Variants in SPECC1L observed in about 807,000 individuals in gnomAD.
SPECC1L encodes the protein sperm antigen with calponin homology and coiled-coil domains 1 like.
SPECC1L carries 40 observed loss-of-function variants against 116.8 expected under a neutral mutation model. The observed-to-expected ratio is 0.34, with a 90% confidence interval of 0.27 to 0.45. SPECC1L has a LOEUF of 0.45. Among genes scored for constraint, SPECC1L ranks in the 20% least tolerant of loss-of-function variants. The pLI is 1.00. For synonymous variants in SPECC1L, 504 were observed against 500.6 expected (o/e 1.01, Z -0.09); for missense variants, 1,110 against 1,373.6 (o/e 0.81, Z 3.03).
At chr22:24,382,066 G>GT (rs2042072645) in intron 14 of SPECC1L, among the ~76,000 whole-genome samples, 2 of 152,218 alleles carry the variant, frequency 1.3e-5, no homozygotes, top group South Asian at 4.1e-4. Context: ...TTTGTTTATG[G>GT]TTATAAAAGA....
Position 24,414,767 on chromosome 22 carries a change from C to A in SPECC1L, c.*144C>A. The A allele has an allele frequency of 1.4e-6, 1 of 711,484 alleles. No homozygotes were observed. The highest frequency in any genetic ancestry group is 1.6e-5 in the South Asian group (1 of 63,614). The allele number at this position is 711,484 out of a possible 1,614,324, so 44.1% of individuals were successfully genotyped here. ...CGTGTGAGCCTCCAGCTCGGGGCTT[C>A]CGTATTGGAAGAACTCAGCCGTGTG... On this transcript the variant is annotated 3_prime_UTR_variant, in exon 17 of 17. Coordinates refer to ENST00000314328, the MANE Select transcript of SPECC1L (RefSeq NM_015330.6).
intron 3 of SPECC1L, among the ~76,000 whole-genome samples, chr22:24,309,604 TTGGCCAGG>T (rs1433082607): frequency 2.6e-5 from 4 of 152,186 alleles, no homozygotes; most frequent in Admixed American, 2.0e-4. Flanking sequence ...TTTCACCATG[TTGGCCAGG>T]CTGGTCTTGA....
intron 9 of SPECC1L, among the ~76,000 whole-genome samples, chr22:24,334,971 C>G (rs1170145200): frequency 6.6e-6 from 1 of 152,174 alleles, no homozygotes; most frequent in Non-Finnish European, 1.5e-5. Flanking sequence ...TCCTGGACAT[C>G]TGAAGTCCAA....
intron 4 of SPECC1L, among the ~76,000 whole-genome samples, chr22:24,317,157 G>A (rs1412325280): frequency 5.5e-5 from 5 of 91,478 alleles, no homozygotes; most frequent in Admixed American, 2.2e-4. Context: ...CCTCCCTCCC[G>A]GACGGGGCGG....
intron 14 of SPECC1L, among the ~76,000 whole-genome samples, chr22:24,386,396 C>T (rs1018031494): frequency 4.6e-5 from 7 of 151,774 alleles, no homozygotes; most frequent in Middle Eastern, 3.4e-3. Context: ...GTGAGACCCC[C>T]GTCCCTACAA....
intron 14 of SPECC1L, among the ~76,000 whole-genome samples, chr22:24,395,631 G>T (rs924198948): frequency 3.6e-4 from 55 of 152,262 alleles, no homozygotes; most frequent in African/African-American, 1.3e-3. Context: ...ACTCTTCAGA[G>T]AAAATAATTT....
At chr22:24,339,965 G>C (rs1242232957) in intron 10 of SPECC1L, among the ~76,000 whole-genome samples, 1 of 151,702 alleles carries the variant, frequency 6.6e-6, no homozygotes, top group Non-Finnish European at 1.5e-5. Context: ...CTGTGTTTTT[G>C]GTAAAGACAG....
At chr22:24,401,979 G>T (rs1033827332) in intron 14 of SPECC1L, among the ~76,000 whole-genome samples, 1 of 151,898 alleles carries the variant, frequency 6.6e-6, no homozygotes, top group Non-Finnish European at 1.5e-5. Context: ...GCTCCACCTC[G>T]GCCGCCTGCC....
chr22:24,378,353 C>G (rs1490007708), intron 14 of SPECC1L, among the ~76,000 whole-genome samples: 1 of 152,230 alleles, frequency 6.6e-6, no homozygotes, highest in Admixed American at 6.5e-5. Context: ...CTGGTTTGAT[C>G]TTTTATTCAA....
chr22:24,339,661 A>G (rs2041131321), intron 10 of SPECC1L, among the ~76,000 whole-genome samples: 1 of 152,238 alleles, frequency 6.6e-6, no homozygotes, highest in Non-Finnish European at 1.5e-5. Context: ...CTTCCCTAAA[A>G]TAATGGTGTT....
At chr22:24,307,615 GTA>G (rs2049527143) in intron 3 of SPECC1L, among the ~76,000 whole-genome samples, 1 of 151,962 alleles carries the variant, frequency 6.6e-6, no homozygotes, top group Non-Finnish European at 1.5e-5. Context: ...GTGTGTGTGT[GTA>G]TGTATGTACG....
chr22:24,317,757 T>C (rs1206820950), intron 4 of SPECC1L, among the ~76,000 whole-genome samples: 1 of 146,874 alleles, frequency 6.8e-6, no homozygotes, highest in African/African-American at 2.6e-5. Flanking sequence ...GGCTCCTCAC[T>C]TCTCAGACGG....
At chr22:24,345,932 G>C (rs768283255) in intron 10 of SPECC1L, among the ~76,000 whole-genome samples, 1 of 152,014 alleles carries the variant, frequency 6.6e-6, no homozygotes, top group Non-Finnish European at 1.5e-5. Context: ...GTAGGTTGGT[G>C]GTGTTTGAGC....
intron 15 of SPECC1L, chr22:24,412,222 G>A (rs2042712074): frequency 2.8e-6 from 1 of 360,818 alleles, no homozygotes; most frequent in Admixed American, 3.8e-5. Flanking sequence ...GAGGGCCACT[G>A]GAGAGGATCC....
At chr22:24,315,959 T>A (rs1284155521) in intron 4 of SPECC1L, among the ~76,000 whole-genome samples, 1 of 152,246 alleles carries the variant, frequency 6.6e-6, no homozygotes, top group Non-Finnish European at 1.5e-5. Flanking sequence ...CCCACCCTAA[T>A]GACTTCATCT....
intron 2 of SPECC1L, among the ~76,000 whole-genome samples, chr22:24,283,726 AACT>A (rs1254167942): frequency 6.6e-6 from 1 of 152,228 alleles, no homozygotes; most frequent in Non-Finnish European, 1.5e-5. Context: ...GAAAGTTTTT[AACT>A]ACAAATCCAA....
At position 24,321,920 on chromosome 22, in the gene SPECC1L, G is replaced by GT; in HGVS notation, c.941dup (p.Glu315GlyfsTer16). ...TGGAGGAGGAACTCTGACTTCTTCA[G>GT]TGGAAGGCTCTGCCCCTGGCTCAGT... On this transcript the variant is annotated frameshift_variant, in exon 5 of 17. Coordinates refer to ENST00000314328, the MANE Select transcript of SPECC1L (RefSeq NM_015330.6). LOFTEE classifies it high-confidence loss of function. 1 of 1,614,230 alleles carries GT rather than the reference G, an allele frequency of 6.2e-7. No individual in the cohort carries two copies. The highest frequency in any genetic ancestry group is 8.5e-7 in the Non-Finnish European group (1 of 1,180,042).
At chr22:24,409,682 A>G (rs911733544) in intron 14 of SPECC1L, among the ~76,000 whole-genome samples, 91 of 152,354 alleles carry the variant, frequency 6.0e-4, no homozygotes, top group African/African-American at 2.2e-3. Context: ...AATGAATTAT[A>G]TATTCCTTTT....
chr22:24,285,330 GT>G (rs1193741076), intron 2 of SPECC1L, among the ~76,000 whole-genome samples: 4 of 152,196 alleles, frequency 2.6e-5, no homozygotes, highest in Admixed American at 2.6e-4. Flanking sequence ...TTCCTTGTTA[GT>G]TTCCACACAT....
Sources: allele counts gnomAD v4.1 joint callset (sites outside exome capture counted in the v4.1 genomes callset), GRCh38; gene constraint gnomAD v4.1.1; transcripts MANE v1.5; gene names NCBI Gene and HGNC (gene_info 2026-07-23, HGNC 2026-07-21).